The following TMPRSS15 variants were observed in gnomAD, a reference collection of about 807,000 sequenced individuals.
The protein encoded by TMPRSS15 is transmembrane serine protease 15.
In TMPRSS15, 128 loss-of-function variants were observed where a neutral mutation model predicts 125.3. The observed-to-expected ratio is 1.02, with a 90% CI of 0.89 to 1.18. The LOEUF (loss-of-function observed/expected upper bound fraction) is 1.18, where lower values mean the gene tolerates loss of function less well. Ranked by LOEUF, TMPRSS15 falls within the 50% of genes most tolerant of loss-of-function variation. TMPRSS15 has a pLI of 0.00. For synonymous variants in TMPRSS15, 446 were observed against 423.2 expected (o/e 1.05, Z -0.66); for missense variants, 1,283 against 1,212.7 (o/e 1.06, Z -0.86).
chr21:18,424,303 C>T (rs1043441832), intron 1 of TMPRSS15, among the ~76,000 whole-genome samples: 5 of 152,142 alleles, frequency 3.3e-5, no homozygotes, highest in Non-Finnish European at 5.9e-5. Flanking sequence ...ATCTGAATAT[C>T]TTGCTTAAAC....
At chr21:18,321,542 C>G (rs920580623) in intron 16 of TMPRSS15, among the ~76,000 whole-genome samples, 1 of 151,898 alleles carries the variant, frequency 6.6e-6, no homozygotes, top group African/African-American at 2.4e-5. Flanking sequence ...TTAGTAGAGA[C>G]GGGGTTTCAC....
chr21:18,271,743 A>T (rs1016990830), intron 24 of TMPRSS15, among the ~76,000 whole-genome samples: 1 of 151,888 alleles, frequency 6.6e-6, no homozygotes, highest in African/African-American at 2.4e-5. Context: ...CCTAGTCCCC[A>T]ACAGGCCCTG....
chr21:18,413,278 CTTT>C (rs1227907584), intron 1 of TMPRSS15, among the ~76,000 whole-genome samples: 1 of 106,250 alleles, frequency 9.4e-6, no homozygotes, highest in African/African-American at 3.7e-5. Context: ...CTTTCTTTTT[CTTT>C]TTCTTTCTTT....
At chr21:18,480,056 C>T (rs1215215011) in intron 1 of TMPRSS15, among the ~76,000 whole-genome samples, 1 of 151,954 alleles carries the variant, frequency 6.6e-6, no homozygotes, top group African/African-American at 2.4e-5. Flanking sequence ...TACTATGCAG[C>T]CATGAAAAAG....
At chr21:18,359,016 A>G (rs1220662498) in intron 8 of TMPRSS15, among the ~76,000 whole-genome samples, 1 of 152,032 alleles carries the variant, frequency 6.6e-6, no homozygotes, top group Non-Finnish European at 1.5e-5. Context: ...TTTCTCCAAC[A>G]TGCGAGGAAA....
chr21:18,269,940 C>G lies in TMPRSS15; in HGVS notation c.*29G>C. 6.2e-7 allele frequency: 1 copy of G among 1,611,784 alleles called. No homozygotes were observed. Among genetic ancestry groups the G allele is most frequent in the Non-Finnish European group, 8.5e-7 (1 of 1,178,400 alleles). On this transcript the variant is annotated 3_prime_UTR_variant, in exon 25 of 25. Coordinates refer to ENST00000284885, the MANE Select transcript of TMPRSS15 (RefSeq NM_002772.3). The stretch of plus-strand genomic sequence containing the variant: ...TCTAGAGTAGAATGGGAAAATAATG[C>G]GACTTTCCTGTTTAGTTTAAGAAAT...
chr21:18,316,251 T>A (rs1373779427), intron 16 of TMPRSS15, among the ~76,000 whole-genome samples: 3 of 152,152 alleles, frequency 2.0e-5, no homozygotes, highest in Admixed American at 2.0e-4. Flanking sequence ...GGTTGTCAAC[T>A]CACCTCTTCC....
At chr21:18,396,562 C>T (rs1383506939) in intron 3 of TMPRSS15, among the ~76,000 whole-genome samples, 2 of 151,918 alleles carry the variant, frequency 1.3e-5, no homozygotes, top group African/African-American at 4.8e-5. Context: ...ATCACGAGGT[C>T]AGGAGATCGA....
At chr21:18,300,042 A>G (rs1046018494) in intron 18 of TMPRSS15, among the ~76,000 whole-genome samples, 1 of 152,180 alleles carries the variant, frequency 6.6e-6, no homozygotes, top group Non-Finnish European at 1.5e-5. Context: ...CTAAATGAGG[A>G]AACCTTTTGA....
intron 1 of TMPRSS15, among the ~76,000 whole-genome samples, chr21:18,459,761 A>G (rs956171240): frequency 2.0e-5 from 3 of 152,224 alleles, no homozygotes; most frequent in Admixed American, 2.0e-4. Flanking sequence ...TTTTAAATAT[A>G]TCAATAAATC....
chr21:18,387,360 C>A (rs2075952675), intron 3 of TMPRSS15, among the ~76,000 whole-genome samples: 1 of 152,112 alleles, frequency 6.6e-6, no homozygotes, highest in Non-Finnish European at 1.5e-5. Context: ...TCATATATTC[C>A]TTAATGATAT....
intron 1 of TMPRSS15, among the ~76,000 whole-genome samples, chr21:18,482,100 C>T (rs1390115599): frequency 6.6e-6 from 1 of 151,288 alleles, no homozygotes; most frequent in Admixed American, 6.6e-5. Context: ...ATCTTCACTT[C>T]TAATTTTTCT....
chr21:18,481,802 C>T (rs1317036666), intron 1 of TMPRSS15, among the ~76,000 whole-genome samples: 1 of 151,548 alleles, frequency 6.6e-6, no homozygotes, highest in South Asian at 2.1e-4. Flanking sequence ...TTAAAAACAT[C>T]CTTTAATCAA....
chr21:18,404,967 GTTTAT>G (rs1257286371), upstream of TMPRSS15, among the ~76,000 whole-genome samples: 1 of 151,882 alleles, frequency 6.6e-6, no homozygotes, highest in African/African-American at 2.4e-5. Context: ...CTTGGGAGAA[GTTTAT>G]TTTATTTATA....
chr21:18,449,858 AACACACACACACAC>A (rs760464791), intron 1 of TMPRSS15, among the ~76,000 whole-genome samples: 1 of 81,420 alleles, frequency 1.2e-5, no homozygotes, highest in African/African-American at 4.1e-5. Context: ...CTTTCCCTCA[AACACACACACACAC>A]ACACGCACAC....
Position 18,353,001 on chromosome 21 carries a change from T to C in TMPRSS15, c.1073A>G (p.Gln358Arg), listed in dbSNP as rs2075586361. 1 of 1,611,698 alleles carries C rather than the reference T, an allele frequency of 6.2e-7. No homozygotes were observed. ...NFEDGFCFWV[Q>R]DLNDDNEWER... ...CCATTCATTATCATCATTTAGATCC[T>C]GGACCCAGAAACAAAAGCCATCCTC... is the stretch of plus-strand genomic sequence containing the variant. The change falls in exon 10 of 25, where the codon CAG (glutamine) becomes CGG (arginine). Residue 358 changes from glutamine (Q) to arginine (R), a missense_variant. Physicochemically the swap from Gln to Arg is conservative, Grantham distance 43. Coordinates refer to ENST00000284885, the MANE Select transcript of TMPRSS15 (RefSeq NM_002772.3).
At chr21:18,399,070 T>C (rs2076069952) in intron 1 of TMPRSS15, among the ~76,000 whole-genome samples, 1 of 152,174 alleles carries the variant, frequency 6.6e-6, no homozygotes, top group Non-Finnish European at 1.5e-5. Context: ...GACACTGATT[T>C]ATGTTTAAAA....
rs73206996 is a variant in TMPRSS15 at position 18,269,819 on chromosome 21, T to A, written c.*150A>T. ...AATTTTATTATTTTTAAAATTTTGT[T>A]TCCCTGGCCCCCTAGCATTTCATTG... On this transcript the variant is annotated 3_prime_UTR_variant, in exon 25 of 25. Transcript: ENST00000284885. 0.055 allele frequency: 48,079 copies of A among 877,958 alleles called. 1,614 individuals carry two copies. The highest frequency in any genetic ancestry group is 0.065 in the Non-Finnish European group (37,623 of 576,888). The allele number at this position is 877,958 out of a possible 1,614,324, so 54.4% of individuals were successfully genotyped here.
chr21:18,441,970 C>T (rs1426623334), intron 1 of TMPRSS15, among the ~76,000 whole-genome samples: 1 of 152,010 alleles, frequency 6.6e-6, no homozygotes, highest in African/African-American at 2.4e-5. Context: ...GGATTACAGG[C>T]GTGAGCCACC....
Sources: allele counts gnomAD v4.1 joint callset (sites outside exome capture counted in the v4.1 genomes callset), GRCh38; gene constraint gnomAD v4.1.1; transcripts MANE v1.5; gene names NCBI Gene and HGNC (gene_info 2026-07-23, HGNC 2026-07-21).